Variants in ARHGEF28 observed in about 807,000 individuals in gnomAD.
ARHGEF28 encodes 190 kDa guanine nucleotide exchange factor.
Under a neutral mutation model 206.6 loss-of-function variants are expected in ARHGEF28, and 152 were observed. The observed-to-expected ratio is 0.74, with a 90% CI of 0.64 to 0.84. ARHGEF28 has a LOEUF of 0.84. Among genes scored for constraint, ARHGEF28 ranks in the 40% least tolerant of loss-of-function variants. The pLI, the probability that ARHGEF28 is intolerant of heterozygous loss-of-function variation, is 0.00. For synonymous variants in ARHGEF28, 763 were observed against 776.4 expected (o/e 0.98, Z 0.29); for missense variants, 2,028 against 2,073.2 (o/e 0.98, Z 0.42).
chr5:73,754,623 A>G (rs1752203741), intron 4 of ARHGEF28, among the ~76,000 whole-genome samples: 1 of 152,164 alleles, frequency 6.6e-6, no homozygotes, highest in Non-Finnish European at 1.5e-5. Flanking sequence ...TTAATAAAAT[A>G]TTTTTAATAA....
At chr5:73,734,630 A>G (rs2112357503) in intron 2 of ARHGEF28, among the ~76,000 whole-genome samples, 1 of 152,178 alleles carries the variant, frequency 6.6e-6, no homozygotes. Context: ...TCCCAGAAAA[A>G]AATCAGATAC....
intron 34 of ARHGEF28, among the ~76,000 whole-genome samples, chr5:73,910,543 C>T (rs925601110): frequency 6.6e-6 from 1 of 152,068 alleles, no homozygotes; most frequent in African/African-American, 2.4e-5. Flanking sequence ...TCACTGCGAG[C>T]GTGCTCTTTT....
chr5:73,655,992 T>C (rs1745173233), intron 1 of ARHGEF28, among the ~76,000 whole-genome samples: 2 of 152,172 alleles, frequency 1.3e-5, no homozygotes, highest in Admixed American at 1.3e-4. Flanking sequence ...TGGCAGTATG[T>C]TTTTGTTTCT....
At chr5:73,926,737 T>C (rs1158583289) in intron 35 of ARHGEF28, among the ~76,000 whole-genome samples, 1 of 152,192 alleles carries the variant, frequency 6.6e-6, no homozygotes. Context: ...CTTGCTCTCT[T>C]TGGAGAGTCT....
At chr5:73,638,983 G>C (rs986262765) in intron 1 of ARHGEF28, among the ~76,000 whole-genome samples, 1 of 151,854 alleles carries the variant, frequency 6.6e-6, no homozygotes, top group Non-Finnish European at 1.5e-5. Flanking sequence ...AGTAGCTGGC[G>C]CTTGTAGCTA....
intron 3 of ARHGEF28, among the ~76,000 whole-genome samples, chr5:73,751,199 C>T (rs1015023877): frequency 4.6e-5 from 7 of 152,180 alleles, no homozygotes; most frequent in East Asian, 1.9e-4. Context: ...CACCTGAGGT[C>T]GGGAGTTTGA....
chr5:73,933,387 C>A (rs1319396897), intron 35 of ARHGEF28, among the ~76,000 whole-genome samples: 1 of 152,172 alleles, frequency 6.6e-6, no homozygotes, highest in Non-Finnish European at 1.5e-5. Context: ...TAGGTTCACA[C>A]AATTTGTGTA....
At chr5:73,753,940 A>G (rs1752164866) in intron 4 of ARHGEF28, among the ~76,000 whole-genome samples, 1 of 152,230 alleles carries the variant, frequency 6.6e-6, no homozygotes, top group Admixed American at 6.5e-5. Context: ...AAGTGCTGGG[A>G]TTACAGGCAT....
chr5:73,661,255 C>T (rs542869074), intron 1 of ARHGEF28, among the ~76,000 whole-genome samples: 1 of 152,272 alleles, frequency 6.6e-6, no homozygotes, highest in East Asian at 1.9e-4. Context: ...TAGTTTCCAA[C>T]TTTTCTTTTG....
chr5:73,875,812 G>T (rs1394198174), intron 22 of ARHGEF28, among the ~76,000 whole-genome samples: 2 of 152,136 alleles, frequency 1.3e-5, no homozygotes, highest in East Asian at 3.8e-4. Flanking sequence ...ATGCTGTTTT[G>T]GTTACTGTAG....
At chr5:73,685,241 T>C (rs1747385987) in intron 2 of ARHGEF28, among the ~76,000 whole-genome samples, 1 of 152,144 alleles carries the variant, frequency 6.6e-6, no homozygotes, top group African/African-American at 2.4e-5. Context: ...GGTTTCATGA[T>C]AATTGTGTCA....
intron 35 of ARHGEF28, among the ~76,000 whole-genome samples, chr5:73,937,624 T>G (rs1484035652): frequency 2.0e-5 from 3 of 152,214 alleles, no homozygotes; most frequent in Non-Finnish European, 4.4e-5. Context: ...GTATTGCTAT[T>G]TCCTTGCTTA....
chr5:73,890,527 C>G (rs181041753), intron 26 of ARHGEF28, among the ~76,000 whole-genome samples: 1 of 152,350 alleles, frequency 6.6e-6, no homozygotes, highest in East Asian at 1.9e-4. Context: ...GCTTTTGCTT[C>G]CATTTTCAGA....
intron 2 of ARHGEF28, among the ~76,000 whole-genome samples, chr5:73,695,457 G>T (rs73762158): frequency 0.019 from 2,905 of 152,110 alleles, 91 homozygotes; most frequent in African/African-American, 0.067. Flanking sequence ...CTCTGCCCAG[G>T]CCTCGTCTTC....
At chr5:73,897,364 C>T (rs1762017326) in intron 29 of ARHGEF28, among the ~76,000 whole-genome samples, 2 of 152,130 alleles carry the variant, frequency 1.3e-5, no homozygotes, top group African/African-American at 4.8e-5. Context: ...GCCCAATATC[C>T]CCTAGAACAG....
intron 22 of ARHGEF28, among the ~76,000 whole-genome samples, chr5:73,878,220 T>G (rs1760662169): frequency 1.3e-5 from 2 of 149,650 alleles, no homozygotes; most frequent in Non-Finnish European, 3.0e-5. Flanking sequence ...GTTTAAAGTC[T>G]GTTTTATCCG....
chr5:73,925,369 A>T (rs1001366388), intron 35 of ARHGEF28, among the ~76,000 whole-genome samples: 1 of 152,196 alleles, frequency 6.6e-6, no homozygotes, highest in African/African-American at 2.4e-5. Flanking sequence ...CTCTATCGAG[A>T]ATATTCTCTC....
At chr5:73,854,601 C>T (rs971934020) in intron 14 of ARHGEF28, among the ~76,000 whole-genome samples, 1 of 151,976 alleles carries the variant, frequency 6.6e-6, no homozygotes, top group African/African-American at 2.4e-5. Flanking sequence ...GAGGCAGAGG[C>T]GGGCGGATCA....
At chr5:73,777,523 G>C (rs184138435) in intron 6 of ARHGEF28, among the ~76,000 whole-genome samples, 27 of 152,158 alleles carry the variant, frequency 1.8e-4, no homozygotes, top group Admixed American at 3.3e-4. Context: ...CACAGTTTCA[G>C]CTTTTGTAGA....
Sources: allele counts gnomAD v4.1 joint callset (sites outside exome capture counted in the v4.1 genomes callset), GRCh38; gene constraint gnomAD v4.1.1; transcripts MANE v1.5; gene names NCBI Gene and HGNC (gene_info 2026-07-23, HGNC 2026-07-21).